MMD2: variants seen among roughly 807,000 people sequenced by gnomAD.
MMD2 encodes the protein monocyte to macrophage differentiation factor 2.
MMD2 carries 30 observed loss-of-function variants against 33.5 expected under a neutral mutation model. The observed-to-expected ratio is 0.90, with a 90% CI of 0.67 to 1.22. The LOEUF is 1.22. Among genes scored for constraint, MMD2 ranks in the 50% most tolerant of loss-of-function variants. The pLI is 0.00. For synonymous variants in MMD2, 129 were observed against 123.0 expected (o/e 1.05, Z -0.32); for missense variants, 364 against 325.4 (o/e 1.12, Z -0.91).
At chr7:4,930,900 G>T (rs896725868) in intron 1 of MMD2, among the ~76,000 whole-genome samples, 37 of 152,084 alleles carry the variant, frequency 2.4e-4, no homozygotes, top group African/African-American at 8.7e-4. Context: ...ACCCAGGCTG[G>T]AGTGCAGTGG....
At position 4,906,329 on chromosome 7, in the gene MMD2, G is replaced by T; in HGVS notation, c.*1067C>A. On this transcript the variant is annotated 3_prime_UTR_variant, in exon 7 of 7. Transcript: ENST00000401401. Reference sequence around the variant, plus strand: ...TGTTGTTGGGCTACTGAGCACTTCAGAGGTTGGGAGGACCTGGAACAGTCG... The same window carrying T: ...TGTTGTTGGGCTACTGAGCACTTCATAGGTTGGGAGGACCTGGAACAGTCG... 1 of 395,380 alleles carries T rather than the reference G, an allele frequency of 2.5e-6. No homozygotes were observed. The highest frequency in any genetic ancestry group is 4.5e-6 in the Non-Finnish European group (1 of 224,482). 24.5% of individuals were successfully genotyped at this position (395,380 alleles called of 1,614,324 possible).
At chr7:4,951,831 C>T (rs1583403301) in intron 1 of MMD2, among the ~76,000 whole-genome samples, 1 of 152,122 alleles carries the variant, frequency 6.6e-6, no homozygotes, top group Non-Finnish European at 1.5e-5. Context: ...AACTCCTGGG[C>T]TCAAGCAATC....
At chr7:4,925,560 G>A in intron 1 of MMD2, 28 bp from the exon 2 acceptor site, 1 of 1,531,296 alleles carries the variant, frequency 6.5e-7, no homozygotes, top group Non-Finnish European at 8.8e-7. Context: ...ATTCCAGGAA[G>A]CTCCGCTGGG....
chr7:4,901,821 C>T (rs1303961676), downstream of MMD2, among the ~76,000 whole-genome samples: 2 of 152,226 alleles, frequency 1.3e-5, no homozygotes, highest in African/African-American at 2.4e-5. Flanking sequence ...GTAGCATTTG[C>T]GACGACCAAT....
At chr7:4,894,131 C>G in the MMD2 span, among the ~76,000 whole-genome samples, 1 of 152,114 alleles carries the variant, frequency 6.6e-6, no homozygotes, top group Non-Finnish European at 1.5e-5. This position sits in a 1 kb window ranked among gnomAD's most constrained non-coding sequence, Gnocchi z 4.3. Flanking sequence ...TCAAACGCCT[C>G]TGACCAAAGA....
intron 1 of MMD2, among the ~76,000 whole-genome samples, chr7:4,929,288 C>G (rs1785511662): frequency 6.6e-6 from 1 of 152,082 alleles, no homozygotes. Flanking sequence ...GCTTCTGCAG[C>G]AAGCCAGAGA....
In MMD2 at chr7:4,906,870, C is replaced by T. The variant is rs1784877667; in HGVS notation, c.*526G>A. On this transcript the variant is annotated 3_prime_UTR_variant, in exon 7 of 7. Coordinates refer to ENST00000401401, the MANE Select transcript of MMD2 (RefSeq NM_198403.4). The stretch of plus-strand genomic sequence containing the variant: ...TGTGCTGGGAAGAATTCTGACATCA[C>T]CCATGTGCTGCACTTGATTGGTGAT... The T allele has an allele frequency of 1.1e-5, 3 of 274,966 alleles. No individual in the cohort carries two copies. Among genetic ancestry groups the T allele is most frequent in the Non-Finnish European group, 2.1e-5 (3 of 146,154 alleles). The allele number at this position is 274,966 out of a possible 1,614,324, so 17.0% of individuals were successfully genotyped here.
At chr7:4,892,388 G>C in the MMD2 span, among the ~76,000 whole-genome samples, 1,014 of 152,158 alleles carry the variant, frequency 6.7e-3, 9 homozygotes, top group African/African-American at 0.024. Flanking sequence ...AGGAGTACAA[G>C]ACCAGCATCG....
chr7:4,922,222 T>G (rs2115106797), intron 2 of MMD2, among the ~76,000 whole-genome samples: 1 of 151,586 alleles, frequency 6.6e-6, no homozygotes, highest in South Asian at 2.1e-4. Context: ...AGAGATTCCA[T>G]CTCAGAAAAA....
At chr7:4,945,211 T>TCTTCTTCTTCTTCTTCTTCTC (rs1562493862) in intron 1 of MMD2, among the ~76,000 whole-genome samples, 1 of 143,732 alleles carries the variant, frequency 7.0e-6, no homozygotes, top group East Asian at 2.1e-4. Flanking sequence ...TTCTTCTTCT[T>TCTTCTTCTTCTTCTTCTTCTC]CTTCTTCTTC....
At chr7:4,895,030 C>T in the MMD2 span, among the ~76,000 whole-genome samples, 1 of 151,786 alleles carries the variant, frequency 6.6e-6, no homozygotes, top group South Asian at 2.1e-4. Flanking sequence ...CACTTGTATC[C>T]CCAACGCTCA....
intron 6 of MMD2, 132 bp from the exon 7 acceptor site, chr7:4,907,731 G>A (rs1784900744): frequency 1.4e-6 from 1 of 726,674 alleles, no homozygotes; most frequent in Non-Finnish European, 2.3e-6. Flanking sequence ...CAGGTGGGAA[G>A]CCTCAACACT....
intron 2 of MMD2, among the ~76,000 whole-genome samples, chr7:4,924,052 C>T (rs1785356387): frequency 6.6e-6 from 1 of 152,104 alleles, no homozygotes; most frequent in Non-Finnish European, 1.5e-5. Context: ...ATTAGCCGGG[C>T]TTGGTGGCGG....
At chr7:4,922,731 C>T (rs1213837295) in intron 2 of MMD2, among the ~76,000 whole-genome samples, 3 of 152,052 alleles carry the variant, frequency 2.0e-5, no homozygotes, top group Non-Finnish European at 4.4e-5. Context: ...CATGCCACTG[C>T]GCCTGGCTCC....
chr7:4,936,967 C>G (rs1397078762), intron 1 of MMD2, among the ~76,000 whole-genome samples: 1 of 151,460 alleles, frequency 6.6e-6, no homozygotes, highest in Non-Finnish European at 1.5e-5. Context: ...AACTCCTGAC[C>G]TCAAGTGATC....
At chr7:4,920,521 CT>C (rs1303920065) in intron 2 of MMD2, among the ~76,000 whole-genome samples, 190 bp from the exon 3 acceptor site, 1 of 151,584 alleles carries the variant, frequency 6.6e-6, no homozygotes, top group Non-Finnish European at 1.5e-5. Context: ...TTCTTCCTTC[CT>C]TCCCTCCCTC....
In MMD2 at chr7:4,940,214, C is replaced by G. The variant is rs1247459151; in HGVS notation, c.48-14682G>C. 3.9e-5 allele frequency among the ~76,000 whole-genome samples: 6 copies of G among 152,100 alleles called. No homozygotes were observed. In the South Asian group the frequency reaches 8.3e-4, roughly 21 times the overall value. On this transcript the variant is annotated intron_variant, in intron 1 of 6. Coordinates refer to ENST00000401401, the MANE Select transcript of MMD2 (RefSeq NM_198403.4). This position sits in a 1 kb window ranked among gnomAD's most constrained non-coding sequence, Gnocchi z 5.0. ...ACCTGGGTGCAGGGTCCGGCACACC[C>G]CAGCTCCCCCGGCTCGCTCCTCCGA... is the stretch of plus-strand genomic sequence containing the variant.
chr7:4,935,172 C>T (rs925190103), intron 1 of MMD2, among the ~76,000 whole-genome samples: 2 of 151,412 alleles, frequency 1.3e-5, no homozygotes, highest in African/African-American at 4.9e-5. Context: ...GGAGACAGAG[C>T]GAGACTCTGC....
chr7:4,927,773 T>C (rs576228436), intron 1 of MMD2, among the ~76,000 whole-genome samples: 2 of 152,222 alleles, frequency 1.3e-5, no homozygotes, highest in East Asian at 1.9e-4. Context: ...CTTTTTAGAA[T>C]CTTCAAAGCG....
Sources: allele counts gnomAD v4.1 joint callset (sites outside exome capture counted in the v4.1 genomes callset), GRCh38; gene constraint gnomAD v4.1.1; non-coding constraint Gnocchi (gnomAD v3.1); transcripts MANE v1.5; gene names NCBI Gene and HGNC (gene_info 2026-07-23, HGNC 2026-07-21).